Variants in HYDIN observed in about 807,000 individuals in gnomAD.
HYDIN encodes the protein HYDIN axonemal central pair apparatus protein.
In HYDIN, 132 loss-of-function variants were observed where a neutral mutation model predicts 403.9. The observed-to-expected ratio is 0.33, with a 90% CI of 0.28 to 0.38. The LOEUF is 0.38. Among genes scored for constraint, HYDIN ranks in the 10% least tolerant of loss-of-function variants. HYDIN has a pLI of 1.00. For missense variants in HYDIN, 2,827 were observed against 5,009.5 expected (o/e 0.56, Z 13.15); for synonymous variants, 1,202 against 1,891.7 (o/e 0.64, Z 9.46).
chr16:71,208,990 T>C (rs2088442380), intron 1 of HYDIN, among the ~76,000 whole-genome samples: 1 of 152,102 alleles, frequency 6.6e-6, no homozygotes, highest in African/African-American at 2.4e-5. Flanking sequence ...GTACCATTCC[T>C]ACTGAAACTA....
intron 9 of HYDIN, among the ~76,000 whole-genome samples, chr16:71,124,624 C>G (rs2144498021): frequency 6.6e-6 from 1 of 151,826 alleles, no homozygotes; most frequent in East Asian, 2.0e-4. Context: ...TTTCTTATTT[C>G]TTTCCAGACC....
chr16:71,216,062 C>A (rs746434310), intron 1 of HYDIN, among the ~76,000 whole-genome samples: 3 of 152,044 alleles, frequency 2.0e-5, no homozygotes, highest in Non-Finnish European at 4.4e-5. Context: ...AAACATATTC[C>A]ATCATCTAGT....
At chr16:71,075,097 G>C in intron 13 of HYDIN, among the ~76,000 whole-genome samples, 1 of 148,040 alleles carries the variant, frequency 6.8e-6, no homozygotes, top group Non-Finnish European at 1.5e-5. Context: ...TAAAAGAAAA[G>C]ATAACTTGGG....
At chr16:71,145,469 G>A (rs1404979599) in intron 7 of HYDIN, among the ~76,000 whole-genome samples, 1 of 152,084 alleles carries the variant, frequency 6.6e-6, no homozygotes, top group East Asian at 1.9e-4. Flanking sequence ...TGGCCAGGAT[G>A]GTCTCGATCT....
chr16:71,178,137 C>T (rs1406323403), intron 4 of HYDIN, among the ~76,000 whole-genome samples: 6 of 152,006 alleles, frequency 3.9e-5, no homozygotes, highest in South Asian at 2.1e-4. Flanking sequence ...TATAAATGCT[C>T]GGCCAGGCAC....
In HYDIN at chr16:71,093,877, G is replaced by C. The variant is rs1409556425; in HGVS notation, c.1386C>G (p.His462Gln). Residue 462 changes from histidine to glutamine, a missense_variant, in exon 11 of 86, where the codon CAC (histidine) becomes CAG (glutamine). Coordinates refer to ENST00000393567, the MANE Select transcript of HYDIN (RefSeq NM_001270974.2). ...IKGEGMGPKI[H>Q]FNFELLDIGK... ...CAATATCCAGCAATTCAAAGTTGAAGTGAATCTTAGGTCCCATGCCTTCCC... is the reference window on the plus strand; with the variant it reads ...CAATATCCAGCAATTCAAAGTTGAACTGAATCTTAGGTCCCATGCCTTCCC... 6.8e-6 allele frequency: 11 copies of C among 1,613,632 alleles called. No homozygotes were observed. In the African/African-American group the frequency reaches 1.1e-4, roughly 16 times the overall value.
rs868305915 is a variant in HYDIN, at chr16:71,150,625, T to C, written c.841+2034A>G. 2.0e-5 allele frequency among the ~76,000 whole-genome samples: 3 copies of C among 150,146 alleles called. No homozygotes were observed. In the South Asian group the frequency reaches 6.4e-4, roughly 32 times the overall value. On this transcript the variant is annotated intron_variant, in intron 7 of 85. Transcript: ENST00000393567. ...TTCCAGAAGTAAACATGGGAGATTA[T>C]ATTCATGATCTTGCAGAAGGCAAAG... is the stretch of plus-strand genomic sequence containing the variant.
intron 85 of HYDIN, 142 bp from the exon 86 acceptor site, chr16:70,808,204 T>C: frequency 2.1e-6 from 2 of 933,448 alleles, no homozygotes; most frequent in Admixed American, 5.5e-5. Context: ...GTTGTGTCCT[T>C]ATAACTCCCT....
intron 32 of HYDIN, 28 bp from the exon 33 acceptor site, chr16:70,974,328 C>T: frequency 1.3e-6 from 2 of 1,504,412 alleles, no homozygotes; most frequent in African/African-American, 1.4e-5. Context: ...AAAATTTCTT[C>T]ATGGAAAAGA....
chr16:70,863,485 C>T (rs2039537919), intron 67 of HYDIN, among the ~76,000 whole-genome samples: 1 of 152,230 alleles, frequency 6.6e-6, no homozygotes, highest in African/African-American at 2.4e-5. Flanking sequence ...CCTAAACCCC[C>T]ACCATGAGAG....
At chr16:71,067,497 T>C in intron 14 of HYDIN, 107 bp from the exon 15 acceptor site, 1 of 595,758 alleles carries the variant, frequency 1.7e-6, no homozygotes, top group Non-Finnish European at 3.0e-6. Context: ...TTCTAAGTGC[T>C]TTATGGATAT....
chr16:70,942,711 GCA>G (rs2077721172), intron 42 of HYDIN, among the ~76,000 whole-genome samples: 1 of 152,066 alleles, frequency 6.6e-6, no homozygotes, highest in African/African-American at 2.4e-5. Flanking sequence ...GGTTCAGCTG[GCA>G]ACTGAACAGG....
At position 70,984,310 on chromosome 16, in the gene HYDIN, T is replaced by C. The variant is rs1347821635; in HGVS notation, c.4332+875A>G. On this transcript the variant is annotated intron_variant, in intron 28 of 85. Coordinates refer to ENST00000393567, the MANE Select transcript of HYDIN (RefSeq NM_001270974.2). The stretch of plus-strand genomic sequence containing the variant: ...GGGAGGCTAAGGTGGGAGGATTGCT[T>C]GAGCCCAGGAGGCAGCGGTTGCAGT... 2.0e-5 allele frequency among the ~76,000 whole-genome samples: 3 copies of C among 151,342 alleles called. No individual in the cohort carries two copies. In the East Asian group the frequency reaches 5.8e-4, roughly 29 times the overall value.
chr16:71,073,763 T>C (rs1447811774), intron 13 of HYDIN, among the ~76,000 whole-genome samples: 1 of 152,220 alleles, frequency 6.6e-6, no homozygotes. Flanking sequence ...TTGGTCCATT[T>C]ATTCTTTAAC....
rs1487747637 is a variant in HYDIN at position 70,936,752 on chromosome 16, G to A, written c.6996-638C>T. On this transcript the variant is annotated intron_variant, in intron 44 of 85. Coordinates refer to ENST00000393567, the MANE Select transcript of HYDIN (RefSeq NM_001270974.2). ...TCGCCATGTTGGCCAGGCTGGTCTC[G>A]AACTCATGACCTCAGGTGATCCTCC... is the stretch of plus-strand genomic sequence containing the variant. Among the ~76,000 whole-genome samples, 13 of 148,246 alleles carry A rather than the reference G, an allele frequency of 8.8e-5. 1 individual carries two copies. Among genetic ancestry groups the A allele is most frequent in the Non-Finnish European group, 1.7e-4 (11 of 66,324 alleles).
chr16:71,093,886 A>G lies in HYDIN; in HGVS notation c.1377T>C (p.Pro459=). ...GCAATTCAAAGTTGAAGTGAATCTT[A>G]GGTCCCATGCCTTCCCCTTTGATTC... is the stretch of plus-strand genomic sequence containing the variant. ...PLRIKGEGMG[P]KIHFNFELLD... Residue 459 remains proline (P), a synonymous_variant, in exon 11 of 86, where the codon CCT becomes CCC. Coordinates refer to ENST00000393567, the MANE Select transcript of HYDIN (RefSeq NM_001270974.2). The G allele has an allele frequency of 6.2e-7, 1 of 1,613,760 alleles. No homozygotes were observed. The highest frequency in any genetic ancestry group is 8.5e-7 in the Non-Finnish European group (1 of 1,179,842).
rs532408442 is a variant in HYDIN at position 70,825,082 on chromosome 16, T to C, written c.14427+2179A>G. Reference sequence around the variant, plus strand: ...GCCCTGGGTCAGTCACTTTGAGTCCTTGCATGTCCAAGTTTTGCTGTCATA... The same window carrying C: ...GCCCTGGGTCAGTCACTTTGAGTCCCTGCATGTCCAAGTTTTGCTGTCATA... On this transcript the variant is annotated intron_variant, in intron 83 of 85. Transcript: ENST00000393567. Among the ~76,000 whole-genome samples the C allele has an allele frequency of 2.6e-5, 4 of 152,244 alleles. No homozygotes were observed. The South Asian group carries it at 6.2e-4, about 24-fold the overall frequency.
intron 1 of HYDIN, among the ~76,000 whole-genome samples, chr16:71,221,263 A>G (rs1486001785): frequency 1.3e-5 from 2 of 152,120 alleles, no homozygotes; most frequent in Non-Finnish European, 2.9e-5. Flanking sequence ...ATAAAGAAAA[A>G]AAAAAAAACC....
Position 70,923,048 on chromosome 16 carries a change from A to G in HYDIN, c.7159-1831T>C, listed in dbSNP as rs1436585577. 5.9e-5 allele frequency among the ~76,000 whole-genome samples: 9 copies of G among 152,192 alleles called. No individual in the cohort carries two copies. In the South Asian group the frequency reaches 1.7e-3, roughly 28 times the overall value. On this transcript the variant is annotated intron_variant, in intron 45 of 85. Coordinates refer to ENST00000393567, the MANE Select transcript of HYDIN (RefSeq NM_001270974.2). ...CTCCCAAAGTGTTGGGATTACAGGC[A>G]TAAGCCACTATGCCTGGCCCCTTTT...
Sources: gnomAD v4.1 joint callset for allele counts (sites outside exome capture counted in the v4.1 genomes callset) on GRCh38, gnomAD v4.1.1 for gene constraint, MANE v1.5 for transcripts, NCBI Gene and HGNC (gene_info 2026-07-23, HGNC 2026-07-21) for gene names.